Variants in ARMC3 observed in about 807,000 individuals in gnomAD.
The protein encoded by ARMC3 is armadillo repeat containing 3.
In ARMC3, 74 loss-of-function variants were observed where a neutral mutation model predicts 90.3. The observed-to-expected ratio is 0.82, with a 90% CI of 0.68 to 0.99. The LOEUF is 0.99. Ranked by LOEUF, ARMC3 falls within the 50% of genes least tolerant of loss-of-function variation. The probability of loss-of-function intolerance (pLI) is 0.00; values close to 1 mark genes in which losing one functional copy is unlikely to be tolerated. For synonymous variants in ARMC3, 334 were observed against 361.8 expected, an observed-to-expected ratio of 0.92 and a Z score of 0.87; for missense variants, 958 against 1,042.8, an observed-to-expected ratio of 0.92 and a Z score of 1.12.
At chr10:22,981,235 C>A in intron 8 of ARMC3, 105 bp from the exon 9 acceptor site, 1 of 1,102,184 alleles carries the variant, frequency 9.1e-7, no homozygotes. Context: ...GGTACTAAAA[C>A]TACCAAATTG....
At chr10:22,936,471 A>G (rs1434047799) in intron 2 of ARMC3, among the ~76,000 whole-genome samples, 1 of 152,234 alleles carries the variant, frequency 6.6e-6, no homozygotes, top group Non-Finnish European at 1.5e-5. Context: ...TAACAGAGAC[A>G]TAAAAATATC....
intron 10 of ARMC3, among the ~76,000 whole-genome samples, chr10:22,996,870 T>C (rs1389511088): frequency 1.3e-5 from 2 of 152,108 alleles, no homozygotes; most frequent in Admixed American, 6.6e-5. Context: ...AGTACCAAAT[T>C]AAATTTAATT....
In ARMC3 at chr10:22,961,986, A is replaced by T. The variant is rs769245936; in HGVS notation, c.640A>T (p.Thr214Ser). Residue 214 changes from threonine (T) to serine (S), a missense_variant, in exon 7 of 19, where the codon ACC becomes TCC. Coordinates refer to ENST00000298032, the MANE Select transcript of ARMC3 (RefSeq NM_173081.5). Reference protein sequence around the residue: ...YPVIQLLALKTLGVIANDKES... With the variant: ...YPVIQLLALKSLGVIANDKES... ...AGTGATTCAGTTGTTGGCTCTCAAA[A>T]CCTTAGGTGTTATTGCAAATGATAA... is the stretch of plus-strand genomic sequence containing the variant. 6.2e-7 allele frequency: 1 copy of T among 1,612,608 alleles called. No homozygotes were observed. Among genetic ancestry groups the T allele is most frequent in the Non-Finnish European group, 8.5e-7 (1 of 1,179,260 alleles).
intron 8 of ARMC3, among the ~76,000 whole-genome samples, chr10:22,979,164 T>G (rs958356388): frequency 1.3e-5 from 2 of 152,218 alleles, no homozygotes; most frequent in African/African-American, 4.8e-5. Context: ...TTGTTTCCAG[T>G]AAGAAAACGT....
Position 23,030,654 on chromosome 10 carries a change from G to C in ARMC3, c.2104G>C (p.Val702Leu). The C allele has an allele frequency of 2.5e-6, 4 of 1,613,770 alleles. No individual in the cohort carries two copies. The highest frequency in any genetic ancestry group is 3.4e-6 in the Non-Finnish European group (4 of 1,179,832). Residue 702 changes from valine (V) to leucine (L), a missense_variant, in exon 17 of 19, where the codon GTA becomes CTA. Val to Leu is a conservative substitution (Grantham distance 32, BLOSUM62 1). Coordinates refer to ENST00000298032, the MANE Select transcript of ARMC3 (RefSeq NM_173081.5). ...KVKEEEEVMV[V>L]PKFVGEGSSD... The stretch of plus-strand genomic sequence containing the variant: ...GAAAGAGGAGGAAGAGGTTATGGTG[G>C]TACCAAAATTTGTTGGTGAAGGAAG...
At chr10:23,032,816 G>A (rs747405645) in intron 17 of ARMC3, 45 bp from the exon 18 acceptor site, 9 of 1,559,098 alleles carry the variant, frequency 5.8e-6, no homozygotes, top group South Asian at 1.2e-5. Flanking sequence ...CATCCTAAGC[G>A]AGTTATTAAA....
At chr10:22,985,904 G>A (rs555985748) in intron 10 of ARMC3, among the ~76,000 whole-genome samples, 2 of 152,106 alleles carry the variant, frequency 1.3e-5, no homozygotes, top group East Asian at 1.9e-4. Context: ...CCCTCACCCC[G>A]TTTACATCTC....
chr10:22,947,075 G>T (rs1834559077), intron 3 of ARMC3, among the ~76,000 whole-genome samples: 1 of 152,128 alleles, frequency 6.6e-6, no homozygotes, highest in Non-Finnish European at 1.5e-5. Context: ...GGAGGCTGAG[G>T]TGGGAGGATC....
chr10:23,003,242 A>G lies in ARMC3; in HGVS notation c.1563-4A>G. The G allele has an allele frequency of 6.2e-7, 1 of 1,608,476 alleles. No individual in the cohort carries two copies. The highest frequency in any genetic ancestry group is 2.2e-5 in the East Asian group (1 of 44,708). ...CAAATAATGCTTTTTGCTTTTATTG[A>G]CAGGGCTTTAGATATCCTTGAAGAA... On this transcript the variant is annotated splice_region_variant and splice_polypyrimidine_tract_variant and intron_variant, in intron 12 of 18. Transcript: ENST00000298032.
At chr10:23,004,809 C>T (rs1226503902) in intron 13 of ARMC3, among the ~76,000 whole-genome samples, 2 of 152,160 alleles carry the variant, frequency 1.3e-5, no homozygotes, top group Non-Finnish European at 2.9e-5. Context: ...CCACCACTGC[C>T]GTACTCCATA....
chr10:22,932,157 C>T, intron 2 of ARMC3, 113 bp downstream of exon 2: 1 of 695,262 alleles, frequency 1.4e-6, no homozygotes, highest in East Asian at 3.0e-5. Context: ...GGCAGAAGTC[C>T]AAAGTCTGAC....
Position 23,037,254 on chromosome 10 carries a change from T to C in ARMC3, c.2410-16T>C. The C allele has an allele frequency of 6.4e-7, 1 of 1,566,446 alleles. No homozygotes were observed. The highest frequency in any genetic ancestry group is 1.2e-5 in the South Asian group (1 of 83,674). On this transcript the variant is annotated splice_polypyrimidine_tract_variant and intron_variant, in intron 18 of 18. Transcript: ENST00000298032. Reference sequence around the variant, plus strand: ...TCCCGCACCACCCTTGGTTGATCTCTTGTTTTCTCCTGCAGGCTCTGGCTG... The same window carrying C: ...TCCCGCACCACCCTTGGTTGATCTCCTGTTTTCTCCTGCAGGCTCTGGCTG...
At chr10:22,952,180 A>G (rs1018974368) in intron 3 of ARMC3, among the ~76,000 whole-genome samples, 2 of 152,134 alleles carry the variant, frequency 1.3e-5, no homozygotes, top group Non-Finnish European at 2.9e-5. Flanking sequence ...AGTAATAATA[A>G]GGATATAATA....
At chr10:22,994,671 G>A (rs557678064) in intron 10 of ARMC3, among the ~76,000 whole-genome samples, 11 of 152,326 alleles carry the variant, frequency 7.2e-5, no homozygotes, top group South Asian at 2.1e-4. Context: ...GCTGTAAGAC[G>A]GAGGAAGGAC....
At chr10:22,980,914 A>G (rs1295474688) in intron 8 of ARMC3, among the ~76,000 whole-genome samples, 2 of 152,200 alleles carry the variant, frequency 1.3e-5, no homozygotes, top group East Asian at 3.8e-4. Context: ...GTAAGCATCT[A>G]GCTCACCAGT....
At chr10:22,958,022 A>ACC (rs1211280850) in intron 4 of ARMC3, among the ~76,000 whole-genome samples, 1 of 152,182 alleles carries the variant, frequency 6.6e-6, no homozygotes, top group Non-Finnish European at 1.5e-5. Context: ...TGACCACACC[A>ACC]CTGCACCCCA....
chr10:22,946,044 T>G, intron 2 of ARMC3, 100 bp from the exon 3 acceptor site: 1 of 837,430 alleles, frequency 1.2e-6, no homozygotes, highest in Non-Finnish European at 1.8e-6. Flanking sequence ...CACATCCTTT[T>G]TGCAAGATTA....
chr10:23,007,110 T>G, intron 14 of ARMC3, 129 bp downstream of exon 14: 1 of 713,552 alleles, frequency 1.4e-6, no homozygotes. Context: ...TCCATGAAAA[T>G]AAACACTGGC....
intron 3 of ARMC3, 119 bp downstream of exon 3, chr10:22,946,380 C>T: frequency 1.6e-6 from 1 of 643,882 alleles, no homozygotes; most frequent in Non-Finnish European, 2.6e-6. Flanking sequence ...TTATTTCAGA[C>T]AACCAGGATA....
Sources: allele counts gnomAD v4.1 joint callset (sites outside exome capture counted in the v4.1 genomes callset), GRCh38; gene constraint gnomAD v4.1.1; transcripts MANE v1.5; gene names NCBI Gene and HGNC (gene_info 2026-07-23, HGNC 2026-07-21).